Variants in ROBO2 observed in about 807,000 individuals in gnomAD.
The protein encoded by ROBO2 is roundabout homolog 2.
In ROBO2, 53 loss-of-function variants were observed where a neutral mutation model predicts 160.8. That is an observed-to-expected ratio of 0.33 (90% CI 0.26 to 0.41). ROBO2 has a LOEUF of 0.41. ROBO2 is among the 10% of genes least tolerant of loss of function. The pLI, the probability that ROBO2 is intolerant of heterozygous loss-of-function variation, is 1.00. For missense variants in ROBO2, 1,577 were observed against 1,722.4 expected (o/e 0.92, Z 1.49); for synonymous variants, 664 against 611.7 (o/e 1.09, Z -1.26).
chr3:76,613,858 C>T (rs11925557), intron 2 of ROBO2, among the ~76,000 whole-genome samples: 2,166 of 152,064 alleles, frequency 0.014, 47 homozygotes, highest in African/African-American at 0.047. Flanking sequence ...GGATTCATGT[C>T]TGAACTAAAA....
At chr3:76,680,924 G>T (rs1392133501) in intron 2 of ROBO2, among the ~76,000 whole-genome samples, 1 of 151,996 alleles carries the variant, frequency 6.6e-6, no homozygotes, top group Non-Finnish European at 1.5e-5. Context: ...CTACCGGGAT[G>T]CACCATCACG....
intron 2 of ROBO2, among the ~76,000 whole-genome samples, chr3:76,580,825 C>A (rs970005883): frequency 1.3e-5 from 2 of 151,836 alleles, no homozygotes; most frequent in South Asian, 4.1e-4. Flanking sequence ...TTTTCCATAG[C>A]AGTAACCACA....
intron 1 of ROBO2, among the ~76,000 whole-genome samples, chr3:77,078,182 G>A (rs551401451): frequency 1.3e-5 from 2 of 152,084 alleles, no homozygotes; most frequent in Non-Finnish European, 2.9e-5. Context: ...CTATTGAAAA[G>A]GAAAATATCA....
chr3:77,594,532 G>T (rs994440756), intron 17 of ROBO2, among the ~76,000 whole-genome samples: 2 of 152,098 alleles, frequency 1.3e-5, no homozygotes, highest in African/African-American at 4.8e-5. Flanking sequence ...ATACAATTAG[G>T]AATATATTCA....
chr3:77,407,536 C>T (rs944237378), intron 2 of ROBO2, among the ~76,000 whole-genome samples: 1 of 152,122 alleles, frequency 6.6e-6, no homozygotes, highest in Non-Finnish European at 1.5e-5. Context: ...GAAAAATTAT[C>T]ATGTGCAAAT....
chr3:76,437,033 G>C (rs1174131608), intron 2 of ROBO2, among the ~76,000 whole-genome samples: 1 of 152,090 alleles, frequency 6.6e-6, no homozygotes, highest in African/African-American at 2.4e-5. Context: ...CTTAATTCTA[G>C]CTCAAAACTG....
chr3:77,171,614 A>G (rs536109249), intron 2 of ROBO2, among the ~76,000 whole-genome samples: 3 of 152,368 alleles, frequency 2.0e-5, no homozygotes, highest in Admixed American at 2.0e-4. Flanking sequence ...GTTATTGGCA[A>G]AAGTCCAAAT....
At chr3:77,270,073 T>C (rs2059392187) in intron 2 of ROBO2, among the ~76,000 whole-genome samples, 1 of 152,202 alleles carries the variant, frequency 6.6e-6, no homozygotes, top group South Asian at 2.1e-4. Context: ...ATTTACTCTA[T>C]GTTTCATATT....
intron 2 of ROBO2, among the ~76,000 whole-genome samples, chr3:76,107,611 T>A (rs1160501603): frequency 6.6e-6 from 1 of 152,024 alleles, no homozygotes; most frequent in Non-Finnish European, 1.5e-5. Context: ...AGAGTTTGAG[T>A]TGTGTTGGAA....
At chr3:76,847,897 T>G (rs1175253029) in intron 2 of ROBO2, among the ~76,000 whole-genome samples, 1 of 152,110 alleles carries the variant, frequency 6.6e-6, no homozygotes, top group Non-Finnish European at 1.5e-5. Flanking sequence ...ATATTAAATA[T>G]TCCTTTACTA....
chr3:76,746,415 T>A (rs1245216714), intron 2 of ROBO2, among the ~76,000 whole-genome samples: 2 of 152,144 alleles, frequency 1.3e-5, no homozygotes, highest in African/African-American at 4.8e-5. Context: ...CCACACTGAC[T>A]TCCACAATGG....
At chr3:76,172,645 A>G (rs949989740) in intron 2 of ROBO2, among the ~76,000 whole-genome samples, 1 of 152,164 alleles carries the variant, frequency 6.6e-6, no homozygotes, top group South Asian at 2.1e-4. Flanking sequence ...GAAAAAAAGT[A>G]ACAAAATCTC....
At chr3:76,631,615 G>T (rs2090036364) in intron 2 of ROBO2, among the ~76,000 whole-genome samples, 1 of 144,660 alleles carries the variant, frequency 6.9e-6, no homozygotes, top group African/African-American at 2.6e-5. Context: ...AATCAGGACT[G>T]GTTTGGAAAG....
intron 2 of ROBO2, among the ~76,000 whole-genome samples, chr3:76,377,182 CAT>C (rs754479965): frequency 1.3e-5 from 2 of 152,030 alleles, no homozygotes; most frequent in Non-Finnish European, 2.9e-5. Flanking sequence ...TACATGCAAA[CAT>C]ATGGTGAAAG....
chr3:77,316,008 G>A (rs2063952054), intron 2 of ROBO2, among the ~76,000 whole-genome samples: 1 of 152,020 alleles, frequency 6.6e-6, no homozygotes, highest in African/African-American at 2.4e-5. Flanking sequence ...CCATTAAACT[G>A]CTAAAAAACA....
At chr3:76,703,413 C>A (rs1211001888) in intron 2 of ROBO2, among the ~76,000 whole-genome samples, 1 of 152,054 alleles carries the variant, frequency 6.6e-6, no homozygotes, top group Non-Finnish European at 1.5e-5. Context: ...ATGTGCAGAA[C>A]GTGCAGGTTT....
chr3:76,254,004 G>A (rs1339561795), intron 2 of ROBO2, among the ~76,000 whole-genome samples: 1 of 151,976 alleles, frequency 6.6e-6, no homozygotes, highest in Non-Finnish European at 1.5e-5. Flanking sequence ...TGCTATGATA[G>A]CAATACATAA....
chr3:76,494,588 T>C (rs2080034072), intron 2 of ROBO2, among the ~76,000 whole-genome samples: 1 of 152,136 alleles, frequency 6.6e-6, no homozygotes, highest in Non-Finnish European at 1.5e-5. Context: ...GAGGAGATCT[T>C]CCATATGGGG....
At chr3:76,048,126 C>T (rs1157593789) in intron 2 of ROBO2, among the ~76,000 whole-genome samples, 1 of 152,064 alleles carries the variant, frequency 6.6e-6, no homozygotes, top group South Asian at 2.1e-4. Flanking sequence ...GTATTGTCAA[C>T]ACTTTGTGAA....
Sources: gnomAD v4.1 joint callset for allele counts (sites outside exome capture counted in the v4.1 genomes callset) on GRCh38, gnomAD v4.1.1 for gene constraint, MANE v1.5 for transcripts, NCBI Gene and HGNC (gene_info 2026-07-23, HGNC 2026-07-21) for gene names.